Variants in SYNJ2 observed in about 807,000 individuals in gnomAD.
The protein encoded by SYNJ2 is polyphosphatidylinositol phosphatase SYNJ2.
A neutral mutation model predicts 141.3 loss-of-function variants in SYNJ2; 116 were observed. The ratio of observed to expected loss-of-function variants is 0.82; its 90% confidence interval spans 0.71 to 0.96. The LOEUF is 0.96. Ranked by LOEUF, SYNJ2 falls within the 40% of genes least tolerant of loss-of-function variation. SYNJ2 has a pLI of 0.00. For synonymous variants in SYNJ2, 745 were observed against 777.7 expected (o/e 0.96, Z 0.70); for missense variants, 1,873 against 1,934.8 (o/e 0.97, Z 0.60).
At chr6:158,024,010 G>A (rs1490405674) in intron 2 of SYNJ2, among the ~76,000 whole-genome samples, 5 of 152,086 alleles carry the variant, frequency 3.3e-5, no homozygotes, top group Non-Finnish European at 5.9e-5. Context: ...TAGTGTTTGC[G>A]TCTACAAAAA....
intron 18 of SYNJ2, 109 bp downstream of exon 18, chr6:158,078,390 G>T: frequency 1.4e-6 from 1 of 694,130 alleles, no homozygotes; most frequent in South Asian, 1.8e-5. Flanking sequence ...GCGCATGGGG[G>T]TGCATTTTGT....
rs528922982 is a variant in SYNJ2 at position 158,078,483 on chromosome 6, T to C, written c.2567+202T>C. ...ACCAAGAACTAATTAATCTTAGCAT[T>C]TTGTCATTGCTCCATATCATAAATG... On this transcript the variant is annotated intron_variant, in intron 18 of 26. Coordinates refer to ENST00000355585, the MANE Select transcript of SYNJ2 (RefSeq NM_003898.4). 3.4e-5 allele frequency: 13 copies of C among 380,594 alleles called. No homozygotes were observed. In the East Asian group the frequency reaches 4.9e-4, roughly 14 times the overall value. 23.6% of individuals were successfully genotyped at this position (380,594 alleles called of 1,614,324 possible). A position where few individuals can be genotyped will look rare whatever the true frequency, so the allele number is the denominator to read the frequency against.
Position 158,083,538 on chromosome 6 carries a change from C to G in SYNJ2, c.2975C>G (p.Ala992Gly). Residue 992 changes from alanine (A) to glycine (G), a missense_variant, in exon 21 of 27, where the codon GCC (alanine) becomes GGC (glycine). By Grantham distance (60) the Ala-to-Gly change is moderately conservative. Coordinates refer to ENST00000355585, the MANE Select transcript of SYNJ2 (RefSeq NM_003898.4). ...RDSMAPVSPT[A>G]NSCLLEENFD... ...AGCATGGCCCCCGTGTCTCCCACTGCCAACTCCTGTTTGCTGGAGGAAAAC... is the reference window on the plus strand; with the variant it reads ...AGCATGGCCCCCGTGTCTCCCACTGGCAACTCCTGTTTGCTGGAGGAAAAC... 1 of 1,614,200 alleles carries G rather than the reference C, an allele frequency of 6.2e-7. No individual in the cohort carries two copies. Among genetic ancestry groups the G allele is most frequent in the Non-Finnish European group, 8.5e-7 (1 of 1,180,040 alleles).
At chr6:158,074,881 A>T in intron 16 of SYNJ2, 143 bp downstream of exon 16, 1 of 932,168 alleles carries the variant, frequency 1.1e-6, no homozygotes, top group Non-Finnish European at 1.6e-6. Context: ...TGGGCTTGTG[A>T]GGTTACAGTA....
rs1281865322 is a variant in SYNJ2, at chr6:158,097,448, A to G, written c.*1084A>G. On this transcript the variant is annotated 3_prime_UTR_variant, in exon 27 of 27. Coordinates refer to ENST00000355585, the MANE Select transcript of SYNJ2 (RefSeq NM_003898.4). ...TTCAATAACTGAAAAAGACATTACCATAGTGCTTTACATTTTTAAAGTAAT... is the reference window on the plus strand; with the variant it reads ...TTCAATAACTGAAAAAGACATTACCGTAGTGCTTTACATTTTTAAAGTAAT... 5.3e-5 allele frequency: 8 copies of G among 152,228 alleles called. No homozygotes were observed. Among genetic ancestry groups the G allele is most frequent in the Non-Finnish European group, 8.8e-5 (6 of 68,052 alleles). 9.4% of individuals were successfully genotyped at this position (152,228 alleles called of 1,614,324 possible).
At chr6:158,019,397 C>T (rs1778639634) in intron 2 of SYNJ2, among the ~76,000 whole-genome samples, 1 of 152,238 alleles carries the variant, frequency 6.6e-6, no homozygotes, top group Non-Finnish European at 1.5e-5. Context: ...CTTCCCCCAT[C>T]CCAGGGGAAA....
chr6:158,006,660 C>T (rs1778081496), intron 1 of SYNJ2, among the ~76,000 whole-genome samples: 1 of 152,202 alleles, frequency 6.6e-6, no homozygotes, highest in South Asian at 2.1e-4. Context: ...CAGGTGCACG[C>T]CACACTCCCA....
chr6:157,983,764 C>G (rs2128312175), intron 1 of SYNJ2, among the ~76,000 whole-genome samples: 1 of 152,144 alleles, frequency 6.6e-6, no homozygotes, highest in South Asian at 2.1e-4. Flanking sequence ...TCGTCTTCAA[C>G]TCATGTGCAG....
chr6:158,075,291 G>A (rs1361817225), intron 16 of SYNJ2, among the ~76,000 whole-genome samples: 2 of 152,112 alleles, frequency 1.3e-5, no homozygotes, highest in Non-Finnish European at 2.9e-5. Flanking sequence ...AGCAGGATGA[G>A]CTGAGATGAG....
chr6:158,020,945 G>T (rs1237992828), intron 2 of SYNJ2, among the ~76,000 whole-genome samples: 1 of 152,154 alleles, frequency 6.6e-6, no homozygotes, highest in East Asian at 1.9e-4. Context: ...AGGTTCCAAG[G>T]TTTTTGTAGA....
intron 5 of SYNJ2, among the ~76,000 whole-genome samples, chr6:158,046,491 T>C (rs531457940): frequency 2.6e-5 from 4 of 152,312 alleles, no homozygotes; most frequent in East Asian, 1.9e-4. Flanking sequence ...CTTTGAACTT[T>C]TTCTCTTCCT....
At chr6:158,077,241 A>C (rs1583477002) in intron 17 of SYNJ2, among the ~76,000 whole-genome samples, 1 of 151,906 alleles carries the variant, frequency 6.6e-6, no homozygotes, top group African/African-American at 2.4e-5. Context: ...TGATCTGCCC[A>C]CCTCGGCCTC....
chr6:158,081,588 C>T, intron 20 of SYNJ2, 78 bp downstream of exon 20: 2 of 777,174 alleles, frequency 2.6e-6, no homozygotes, highest in Non-Finnish European at 4.4e-6. Flanking sequence ...TCTTCCTCCT[C>T]TTGCCCTGAC....
chr6:158,070,870 G>C lies in SYNJ2; in HGVS notation c.1941-732G>C, dbSNP rs1444393408. ...TCTACCCAGCCCAGCATAAACAGCTGCCCGTTTCCTAGCTCTTAAAGTGCA... is the reference window on the plus strand; with the variant it reads ...TCTACCCAGCCCAGCATAAACAGCTCCCCGTTTCCTAGCTCTTAAAGTGCA... On this transcript the variant is annotated intron_variant, in intron 14 of 26. Coordinates refer to ENST00000355585, the MANE Select transcript of SYNJ2 (RefSeq NM_003898.4). The surrounding 1 kb of genome is among the most constrained non-coding windows in gnomAD (Gnocchi z 4.0). 6.6e-6 allele frequency among the ~76,000 whole-genome samples: 1 copy of C among 152,204 alleles called. No individual in the cohort carries two copies. Among genetic ancestry groups the C allele is most frequent in the Non-Finnish European group, 1.5e-5 (1 of 68,044 alleles).
At position 158,095,880 on chromosome 6, in the gene SYNJ2, GGAA is replaced by G. The variant is rs1783769867; in HGVS notation, c.4012_4014del (p.Lys1338del). The G allele has an allele frequency of 3.1e-6, 5 of 1,614,028 alleles. No individual in the cohort carries two copies. Among genetic ancestry groups the G allele is most frequent in the African/African-American group, 2.7e-5 (2 of 74,930 alleles). On this transcript the variant is annotated inframe_deletion, in exon 27 of 27. Transcript: ENST00000355585. Reference sequence around the variant, plus strand: ...CTTGTGCCCAAGGTACCCCCGAGGAGGAAGAAGTCAGCCCCCGCAGCCTTCCAC... The same window carrying G: ...CTTGTGCCCAAGGTACCCCCGAGGAGGAAGTCAGCCCCCGCAGCCTTCCAC...
intron 1 of SYNJ2, among the ~76,000 whole-genome samples, chr6:157,997,737 A>G (rs1777689716): frequency 6.7e-6 from 1 of 149,862 alleles, no homozygotes; most frequent in South Asian, 2.1e-4. Context: ...GGCTTGGCAA[A>G]CACTGTTGAA....
At chr6:158,062,560 G>A in intron 8 of SYNJ2, among the ~76,000 whole-genome samples, 1 of 152,140 alleles carries the variant, frequency 6.6e-6, no homozygotes, top group East Asian at 1.9e-4. Flanking sequence ...CGGTGGGATG[G>A]CTGGCATAGA....
intron 5 of SYNJ2, among the ~76,000 whole-genome samples, chr6:158,054,024 A>G (rs1252488905): frequency 7.0e-6 from 1 of 143,404 alleles, no homozygotes; most frequent in African/African-American, 2.7e-5. Context: ...TCGCCCATCT[A>G]TTCACCCATC....
chr6:158,017,698 A>AGCC, intron 2 of SYNJ2: 1 of 508,624 alleles, frequency 2.0e-6, no homozygotes, highest in South Asian at 1.5e-5. Context: ...TACAGCCATG[A>AGCC]GCCGCCGTGC....
Sources: allele counts gnomAD v4.1 joint callset (sites outside exome capture counted in the v4.1 genomes callset), GRCh38; gene constraint gnomAD v4.1.1; non-coding constraint Gnocchi (gnomAD v3.1); transcripts MANE v1.5; gene names NCBI Gene and HGNC (gene_info 2026-07-23, HGNC 2026-07-21).